Variants in ARL16 observed in about 807,000 individuals in gnomAD.
ARL16 encodes the protein ADP-ribosylation factor-like protein 16.
ARL16 carries 21 observed loss-of-function variants against 14.1 expected under a neutral mutation model. The ratio of observed to expected loss-of-function variants is 1.48; its 90% confidence interval spans 1.05 to 2.14. ARL16 has a LOEUF of 2.14. ARL16 is among the 30% of genes most tolerant of loss of function. The probability of loss-of-function intolerance (pLI) is 0.00; values close to 1 mark genes in which losing one functional copy is unlikely to be tolerated. For missense variants in ARL16, 248 were observed against 222.0 expected (o/e 1.12, Z -0.74); for synonymous variants, 122 against 91.8 (o/e 1.33, Z -1.88).
intron 2 of ARL16, 142 bp downstream of exon 2, chr17:81,683,394 G>C (rs1352434543): frequency 9.4e-6 from 11 of 1,170,108 alleles, no homozygotes; most frequent in Admixed American, 3.0e-5. Context: ...TCCTCAGCTC[G>C]GGCCGTCCCC....
At chr17:81,682,931 CACACAGCAAGGTTGGGGA>C in intron 3 of ARL16, 64 bp downstream of exon 3, 2 of 1,262,786 alleles carry the variant, frequency 1.6e-6, no homozygotes, top group Non-Finnish European at 2.3e-6. Context: ...CCCCTTTCTA[CACACAGCAAGGTTGGGGA>C]CTGGACGTCA....
At chr17:81,683,406 G>T (rs2036896973) in intron 2 of ARL16, 130 bp downstream of exon 2, 2 of 1,242,400 alleles carry the variant, frequency 1.6e-6, no homozygotes, top group Non-Finnish European at 2.2e-6. Context: ...GCCGTCCCCC[G>T]CTCCCGAAGG....
rs118120685 is a variant in ARL16 at position 81,682,272 on chromosome 17, C to G, written c.235-123G>C. 7.9e-3 allele frequency: 5,682 copies of G among 722,338 alleles called. 212 individuals carry two copies. Among genetic ancestry groups the G allele is most frequent in the East Asian group, 0.076 (2,475 of 32,360 alleles). 44.7% of individuals were successfully genotyped at this position (722,338 alleles called of 1,614,324 possible). A position where few individuals can be genotyped will look rare whatever the true frequency, so the allele number is the denominator to read the frequency against. On this transcript the variant is annotated intron_variant, in intron 3 of 4. Coordinates refer to ENST00000622299, the MANE Select transcript of ARL16 (RefSeq NM_001040025.3). Reference sequence around the variant, plus strand: ...TAATTAATTAATTTATTTTTTGAGACGAAGTCTCGCTCCGAGTGCAGTGGC... The same window carrying G: ...TAATTAATTAATTTATTTTTTGAGAGGAAGTCTCGCTCCGAGTGCAGTGGC...
chr17:81,683,493 G>T, intron 2 of ARL16, 43 bp downstream of exon 2: 1 of 1,518,094 alleles, frequency 6.6e-7, no homozygotes, highest in African/African-American at 1.4e-5. Context: ...GCCAAGCGCA[G>T]AACTGACCCC....
rs989852013 is a variant in ARL16 at position 81,683,536 on chromosome 17, C to G, written c.120G>C (p.Thr40=). The change falls in exon 2 of 5, where the codon ACG becomes ACC. Residue 40 remains threonine (T), a splice_region_variant and synonymous_variant. Coordinates refer to ENST00000622299, the MANE Select transcript of ARL16 (RefSeq NM_001040025.3). ...TCCACCCGCGGGGGCGGACACCTAC[C>G]GTGGGCCGTGTCGGGGGCGGCTCCC... The part of the protein sequence containing the change: ...DLGEPPPTRP[T]VGTNLTDIVA... 3.8e-6 allele frequency: 6 copies of G among 1,590,326 alleles called. No homozygotes were observed. The highest frequency in any genetic ancestry group is 5.1e-6 in the Non-Finnish European group (6 of 1,170,762).
chr17:81,682,239 G>A (rs1018443620), intron 3 of ARL16, 90 bp from the exon 4 acceptor site: 8 of 894,378 alleles, frequency 8.9e-6, no homozygotes, highest in Non-Finnish European at 1.3e-5. Context: ...GAGCAAAACT[G>A]CATTTTTTAA....
At position 81,683,681 on chromosome 17, in the gene ARL16, G is replaced by A; in HGVS notation, c.61+12C>T. The A allele has an allele frequency of 6.3e-7, 1 of 1,598,622 alleles. No homozygotes were observed. Among genetic ancestry groups the A allele is most frequent in the African/African-American group, 1.4e-5 (1 of 73,220 alleles). Reference sequence around the variant, plus strand: ...CCCCGCGCCCCGGTCCCGTCCCCGCGCGGAAGGATATCCTGCAGCCGTTTC... The same window carrying A: ...CCCCGCGCCCCGGTCCCGTCCCCGCACGGAAGGATATCCTGCAGCCGTTTC... On this transcript the variant is annotated intron_variant, in intron 1 of 4. Transcript: ENST00000622299.
At chr17:81,682,705 G>T in intron 3 of ARL16, 1 of 392,604 alleles carries the variant, frequency 2.5e-6, no homozygotes, top group Non-Finnish European at 4.6e-6. Context: ...CCAGAGGTAC[G>T]TATAAGTCCA....
At chr17:81,681,960 G>T (rs1245005226) in intron 4 of ARL16, 74 bp downstream of exon 4, 2 of 1,562,342 alleles carry the variant, frequency 1.3e-6, no homozygotes, top group African/African-American at 2.7e-5. Context: ...CCTCCCTACC[G>T]AGCCATGCTT....
chr17:81,681,960 G>A (rs1245005226), intron 4 of ARL16, 74 bp downstream of exon 4: 9 of 1,562,344 alleles, frequency 5.8e-6, no homozygotes, highest in African/African-American at 1.4e-5. Context: ...CCTCCCTACC[G>A]AGCCATGCTT....
rs2144472070 is a variant in ARL16 at position 81,683,586 on chromosome 17, A to G, written c.70T>C (p.Ser24Pro). ...CCCAGGTCGCCTTTCCCATCCCGGG[A>G]GCTCACCTGTGCGAAGCGGTCAAGG... The part of the protein sequence containing the change: ...LLVKRLQEVS[S>P]RDGKGDLGEP... Residue 24 changes from serine (S) to proline (P), a missense_variant, in exon 2 of 5, where the codon TCC becomes CCC. Transcript: ENST00000622299. 6.2e-7 allele frequency: 1 copy of G among 1,603,052 alleles called. No individual in the cohort carries two copies. Among genetic ancestry groups the G allele is most frequent in the Non-Finnish European group, 8.5e-7 (1 of 1,176,406 alleles).
chr17:81,683,492 A>T, intron 2 of ARL16, 44 bp downstream of exon 2: 1 of 1,511,080 alleles, frequency 6.6e-7, no homozygotes, highest in Non-Finnish European at 8.8e-7. Context: ...CGCCAAGCGC[A>T]GAACTGACCC....
At chr17:81,682,369 A>C (rs758748743) in intron 3 of ARL16, 30 of 380,046 alleles carry the variant, frequency 7.9e-5, no homozygotes, top group Non-Finnish European at 1.3e-4. Flanking sequence ...CAGCCTCCCA[A>C]GTAACTGGGA....
At position 81,683,581 on chromosome 17, in the gene ARL16, C is replaced by A; in HGVS notation, c.75G>T (p.Arg25=). 6.2e-7 allele frequency: 1 copy of A among 1,603,598 alleles called. No homozygotes were observed. Among genetic ancestry groups the A allele is most frequent in the Non-Finnish European group, 8.5e-7 (1 of 1,176,490 alleles). ...LVKRLQEVSS[R]DGKGDLGEPP... The stretch of plus-strand genomic sequence containing the variant: ...GCTCCCCCAGGTCGCCTTTCCCATC[C>A]CGGGAGCTCACCTGTGCGAAGCGGT... Residue 25 remains arginine, a synonymous_variant, in exon 2 of 5, where the codon CGG becomes CGT. Coordinates refer to ENST00000622299, the MANE Select transcript of ARL16 (RefSeq NM_001040025.3).
At chr17:81,682,719 T>C (rs774420229) in intron 3 of ARL16, 3 of 437,644 alleles carry the variant, frequency 6.9e-6, no homozygotes, top group Non-Finnish European at 8.2e-6. Flanking sequence ...AAGTCCAACA[T>C]AAACACAGAC....
In ARL16 at chr17:81,682,086, G is replaced by T; in HGVS notation, c.298C>A (p.Leu100Ile). 1 of 1,613,340 alleles carries T rather than the reference G, an allele frequency of 6.2e-7. No homozygotes were observed. Among genetic ancestry groups the T allele is most frequent in the Non-Finnish European group, 8.5e-7 (1 of 1,179,740 alleles). The part of the protein sequence containing the change: ...SASCVQLLGL[L>I]SAEQLAEASV... ...GCTTCTGCAAGTTGTTCTGCAGAAA[G>T]GAGACCTAAGAGCTGCACACAGGAT... Residue 100 changes from leucine to isoleucine, a missense_variant, in exon 4 of 5, where the codon CTT becomes ATT. Physicochemically the swap from Leu to Ile is conservative, Grantham distance 5. Coordinates refer to ENST00000622299, the MANE Select transcript of ARL16 (RefSeq NM_001040025.3).
Position 81,683,090 on chromosome 17 carries a change from T to G in ARL16, c.157A>C (p.Lys53Gln), listed in dbSNP as rs554087753. The G allele has an allele frequency of 6.2e-7, 1 of 1,611,502 alleles. No homozygotes were observed. The highest frequency in any genetic ancestry group is 1.3e-5 in the African/African-American group (1 of 74,788). Residue 53 changes from lysine to glutamine, a missense_variant, in exon 3 of 5, where the codon AAG (lysine) becomes CAG (glutamine). Transcript: ENST00000622299. ...CCCCCAAGCTCCCGGATGGTGATCT[T>G]TCTCTGTGCCACGATGTCAGTAAGA... is the stretch of plus-strand genomic sequence containing the variant. Reference protein sequence around the residue: ...TNLTDIVAQRKITIRELGGCM... With the variant: ...TNLTDIVAQRQITIRELGGCM...
intron 3 of ARL16, chr17:81,682,441 A>C (rs1187550767): frequency 8.5e-6 from 2 of 234,564 alleles, no homozygotes; most frequent in African/African-American, 2.3e-5. Flanking sequence ...ACGGGGTTTC[A>C]CCATGTTAGT....
chr17:81,681,552 C>T lies in ARL16; in HGVS notation c.*156G>A. On this transcript the variant is annotated 3_prime_UTR_variant, in exon 5 of 5. Transcript: ENST00000622299. Reference sequence around the variant, plus strand: ...GATGTCAACTTCCATCTCCACATGCCTCAGTTTACACATCATTGCATCTCA... The same window carrying T: ...GATGTCAACTTCCATCTCCACATGCTTCAGTTTACACATCATTGCATCTCA... The T allele has an allele frequency of 1.1e-6, 1 of 927,144 alleles. No individual in the cohort carries two copies. The highest frequency in any genetic ancestry group is 1.8e-5 in the South Asian group (1 of 54,762). The allele number at this position is 927,144 out of a possible 1,614,324, so 57.4% of individuals were successfully genotyped here. A position where few individuals can be genotyped will look rare whatever the true frequency, so the allele number is the denominator to read the frequency against.
Sources: allele counts gnomAD v4.1 joint callset, GRCh38; gene constraint gnomAD v4.1.1; transcripts MANE v1.5; gene names NCBI Gene and HGNC (gene_info 2026-07-23, HGNC 2026-07-21).